The following MARCHF1 variants were observed in gnomAD, a reference collection of about 807,000 sequenced individuals.
The protein encoded by MARCHF1 is E3 ubiquitin-protein ligase MARCHF1.
A neutral mutation model predicts 54.2 loss-of-function variants in MARCHF1; 40 were observed. The observed-to-expected ratio is 0.74, with a 90% CI of 0.57 to 0.96. MARCHF1 has a LOEUF of 0.96. Ranked by LOEUF, MARCHF1 falls within the 40% of genes least tolerant of loss-of-function variation. The pLI, the probability that MARCHF1 is intolerant of heterozygous loss-of-function variation, is 0.00. For missense variants in MARCHF1, 586 were observed against 656.5 expected (o/e 0.89, Z 1.17); for synonymous variants, 236 against 236.3 (o/e 1.00, Z 0.01).
intron 4 of MARCHF1, among the ~76,000 whole-genome samples, chr4:163,737,045 C>T (rs543764536): frequency 1.3e-5 from 2 of 151,972 alleles, no homozygotes; most frequent in African/African-American, 4.8e-5. Flanking sequence ...AGGGAAAGCT[C>T]ATTTGTTTGC....
chr4:164,178,534 A>G (rs886298865), intron 1 of MARCHF1, among the ~76,000 whole-genome samples: 2 of 152,198 alleles, frequency 1.3e-5, no homozygotes, highest in South Asian at 2.1e-4. Flanking sequence ...ATTTTAATTA[A>G]TGATGTAACA....
At chr4:163,661,405 T>C (rs1187043698) in intron 5 of MARCHF1, among the ~76,000 whole-genome samples, 1 of 152,026 alleles carries the variant, frequency 6.6e-6, no homozygotes, top group Non-Finnish European at 1.5e-5. Flanking sequence ...TTTTTAGGCA[T>C]GATTTCAAGC....
intron 4 of MARCHF1, among the ~76,000 whole-genome samples, chr4:163,744,999 C>T (rs1045565013): frequency 1.3e-4 from 20 of 152,248 alleles, no homozygotes; most frequent in African/African-American, 4.6e-4. Flanking sequence ...ACAAAACCAA[C>T]ACCAAACTGT....
At chr4:164,100,399 C>A (rs1307141266) in intron 2 of MARCHF1, among the ~76,000 whole-genome samples, 1 of 152,198 alleles carries the variant, frequency 6.6e-6, no homozygotes, top group Non-Finnish European at 1.5e-5. Flanking sequence ...TTTAGATAGC[C>A]TTTTAGCATT....
chr4:164,351,247 G>A (rs1472901929), intron 1 of MARCHF1, among the ~76,000 whole-genome samples: 1 of 147,982 alleles, frequency 6.8e-6, no homozygotes, highest in Admixed American at 6.7e-5. Context: ...GCTCCAACTG[G>A]GTGGAGCCCA....
intron 1 of MARCHF1, among the ~76,000 whole-genome samples, chr4:164,165,618 A>G (rs1406559263): frequency 6.6e-6 from 1 of 151,956 alleles, no homozygotes; most frequent in Non-Finnish European, 1.5e-5. Flanking sequence ...CATTCTATTA[A>G]GTAGTTGGTG....
At chr4:163,575,271 G>T (rs970096233) in intron 8 of MARCHF1, among the ~76,000 whole-genome samples, 3 of 151,882 alleles carry the variant, frequency 2.0e-5, no homozygotes, top group Non-Finnish European at 2.9e-5. Flanking sequence ...TCATTGAAAA[G>T]CTTCCTTCAT....
In MARCHF1 at chr4:163,528,716, T is replaced by C. The variant is rs757476984; in HGVS notation, c.*32A>G. 2.5e-6 allele frequency: 4 copies of C among 1,573,768 alleles called. No homozygotes were observed. Among genetic ancestry groups the C allele is most frequent in the Non-Finnish European group, 2.6e-6 (3 of 1,158,440 alleles). ...GTAGTGGCTGAGGGCTAGAAAGATA[T>C]TCTTCGGTGAAGAAACTCCCAACAG... On this transcript the variant is annotated 3_prime_UTR_variant, in exon 10 of 10. Coordinates refer to ENST00000514618, the MANE Select transcript of MARCHF1 (RefSeq NM_001394959.1).
At chr4:164,320,546 A>T (rs1394299715) in intron 1 of MARCHF1, among the ~76,000 whole-genome samples, 9 of 152,138 alleles carry the variant, frequency 5.9e-5, no homozygotes, top group Non-Finnish European at 1.3e-4. Flanking sequence ...CTTCCTCTCT[A>T]CTGTGTGTTT....
intron 2 of MARCHF1, among the ~76,000 whole-genome samples, chr4:164,014,922 C>A (rs1195741120): frequency 6.6e-6 from 1 of 151,996 alleles, no homozygotes; most frequent in East Asian, 1.9e-4. Flanking sequence ...GATCTCAATA[C>A]CATAATAGCT....
At chr4:164,267,042 C>T (rs753525494) in intron 1 of MARCHF1, among the ~76,000 whole-genome samples, 4 of 152,066 alleles carry the variant, frequency 2.6e-5, no homozygotes, top group Non-Finnish European at 5.9e-5. Flanking sequence ...TAGAAGCCTA[C>T]CAAGAATCAA....
intron 4 of MARCHF1, among the ~76,000 whole-genome samples, chr4:163,792,770 T>C (rs562613853): frequency 1.3e-5 from 2 of 152,300 alleles, no homozygotes; most frequent in Non-Finnish European, 2.9e-5. Context: ...TACTTACTTG[T>C]ATTTCACAAG....
rs900305324 is a variant in MARCHF1, at chr4:163,556,527, C to T, written c.1192-10784G>A. 2.1e-4 allele frequency among the ~76,000 whole-genome samples: 32 copies of T among 149,718 alleles called. 1 individual carries two copies. The Admixed American group carries it at 2.2e-3, about 10-fold the overall frequency. On this transcript the variant is annotated intron_variant, in intron 8 of 9. Coordinates refer to ENST00000514618, the MANE Select transcript of MARCHF1 (RefSeq NM_001394959.1). ...CTTTAATAGCAGTGTCACATCTGAA[C>T]ATTGTATTTAATGTAATTGAGTTGA... is the stretch of plus-strand genomic sequence containing the variant.
At chr4:164,257,882 T>C (rs149393083) in intron 1 of MARCHF1, among the ~76,000 whole-genome samples, 1 of 152,152 alleles carries the variant, frequency 6.6e-6, no homozygotes, top group East Asian at 1.9e-4. Context: ...GGCAGGAAAA[T>C]TGCTTGAACC....
chr4:163,581,823 T>C (rs1435741768), intron 8 of MARCHF1, among the ~76,000 whole-genome samples: 4 of 152,216 alleles, frequency 2.6e-5, no homozygotes. Context: ...ATTTTTGATC[T>C]ACAAAAATGG....
At chr4:163,912,457 GGACAC>G (rs1751214004) in intron 3 of MARCHF1, among the ~76,000 whole-genome samples, 1 of 152,078 alleles carries the variant, frequency 6.6e-6, no homozygotes, top group Non-Finnish European at 1.5e-5. Context: ...GGGAAGGGAG[GGACAC>G]TTGAGATTGC....
At chr4:163,720,935 C>A (rs535168489) in intron 4 of MARCHF1, among the ~76,000 whole-genome samples, 1 of 152,130 alleles carries the variant, frequency 6.6e-6, no homozygotes, top group Non-Finnish European at 1.5e-5. Flanking sequence ...TGGGCTGAGA[C>A]GATGGGGTTT....
chr4:164,269,687 C>T (rs1198937725), intron 1 of MARCHF1, among the ~76,000 whole-genome samples: 3 of 151,922 alleles, frequency 2.0e-5, no homozygotes, highest in East Asian at 1.9e-4. Flanking sequence ...TGCAATTAAA[C>T]GTTCTTTGCA....
At chr4:163,623,179 A>C (rs1291806416) in intron 5 of MARCHF1, among the ~76,000 whole-genome samples, 1 of 152,184 alleles carries the variant, frequency 6.6e-6, no homozygotes, top group Non-Finnish European at 1.5e-5. Context: ...CGCAGACTGA[A>C]GCACTAGGAT....
Sources: gnomAD v4.1 joint callset for allele counts (sites outside exome capture counted in the v4.1 genomes callset) on GRCh38, gnomAD v4.1.1 for gene constraint, MANE v1.5 for transcripts, NCBI Gene and HGNC (gene_info 2026-07-23, HGNC 2026-07-21) for gene names.